VPS53: variants seen among roughly 807,000 people sequenced by gnomAD.
The protein encoded by VPS53 is vacuolar protein sorting-associated protein 53 homolog.
Under a neutral mutation model 107.0 loss-of-function variants are expected in VPS53, and 70 were observed. The ratio of observed to expected loss-of-function variants is 0.65; its 90% CI spans 0.54 to 0.80. VPS53 has a LOEUF of 0.80. Among genes scored for constraint, VPS53 ranks in the 30% least tolerant of loss-of-function variants. The pLI is 0.00. For synonymous variants in VPS53, 409 were observed against 393.3 expected, an observed-to-expected ratio of 1.04 and a Z score of -0.47; for missense variants, 917 against 1,049.4, an observed-to-expected ratio of 0.87 and a Z score of 1.74.
chr17:662,799 A>AAGAAAGAAAGAAAAAAAGAAAG (rs1555575878), intron 4 of VPS53, among the ~76,000 whole-genome samples: 87 of 140,670 alleles, frequency 6.2e-4, no homozygotes, highest in Admixed American at 1.2e-3. Context: ...AAGAAAGAGA[A>AAGAAAGAAAGAAAAAAAGAAAG]AGAAAGAAAA....
chr17:580,803 C>T (rs1480331628), intron 13 of VPS53, among the ~76,000 whole-genome samples: 2 of 151,336 alleles, frequency 1.3e-5, no homozygotes, highest in Non-Finnish European at 2.9e-5. Flanking sequence ...GAGAACCTCC[C>T]TCAGAACCTA....
chr17:519,760 T>A lies in VPS53; in HGVS notation c.2328+66A>T. The stretch of plus-strand genomic sequence containing the variant: ...GCCCCCCCGGAACTTATATCCCAAT[T>A]CCCGGTTAAGAACCGCTGAGTGTGA... On this transcript the variant is annotated intron_variant, in intron 21 of 21. Coordinates refer to ENST00000437048, the MANE Select transcript of VPS53 (RefSeq NM_001128159.3). The surrounding 1 kb of genome is among the most constrained non-coding windows in gnomAD (Gnocchi z 5.0). 8.2e-7 allele frequency: 1 copy of A among 1,216,706 alleles called. No homozygotes were observed. The highest frequency in any genetic ancestry group is 2.5e-5 in the East Asian group (1 of 39,268). The allele number at this position is 1,216,706 out of a possible 1,614,324, so 75.4% of individuals were successfully genotyped here.
chr17:647,114 A>C (rs1307000663), intron 7 of VPS53, among the ~76,000 whole-genome samples: 1 of 151,976 alleles, frequency 6.6e-6, no homozygotes, highest in Non-Finnish European at 1.5e-5. Context: ...ACTCCATGAG[A>C]CTCCCTCTTC....
At chr17:584,780 CCTCCCAAAGTG>C (rs1967226715) in intron 13 of VPS53, among the ~76,000 whole-genome samples, 1 of 152,172 alleles carries the variant, frequency 6.6e-6, no homozygotes, top group Admixed American at 6.5e-5. Flanking sequence ...CCTACCTTGG[CCTCCCAAAGTG>C]CTGGGATTAC....
intron 17 of VPS53, among the ~76,000 whole-genome samples, chr17:541,623 C>A (rs549412316): frequency 2.8e-5 from 4 of 144,424 alleles, no homozygotes; most frequent in Non-Finnish European, 6.1e-5. Flanking sequence ...GCACCGACTA[C>A]GCACTGAAGG....
chr17:664,896 A>G (rs1971615804), intron 4 of VPS53, among the ~76,000 whole-genome samples: 1 of 152,118 alleles, frequency 6.6e-6, no homozygotes, highest in Admixed American at 6.5e-5. Flanking sequence ...TTGAAAAGCC[A>G]AGGCCAGGGT....
intron 4 of VPS53, among the ~76,000 whole-genome samples, chr17:682,306 G>C (rs779861513): frequency 6.6e-6 from 1 of 152,090 alleles, no homozygotes; most frequent in Admixed American, 6.6e-5. Context: ...CTTCTGCCGA[G>C]GATGCAGAAA....
chr17:606,718 GCCT>G (rs1252672603), intron 11 of VPS53, among the ~76,000 whole-genome samples: 1 of 152,166 alleles, frequency 6.6e-6, no homozygotes, highest in East Asian at 1.9e-4. Flanking sequence ...CCTGGGCTCC[GCCT>G]CCTGTCAGGT....
At chr17:533,225 G>C (rs1909739449) in intron 18 of VPS53, among the ~76,000 whole-genome samples, 1 of 152,160 alleles carries the variant, frequency 6.6e-6, no homozygotes, top group Non-Finnish European at 1.5e-5. Flanking sequence ...TATGATCGAA[G>C]CTAGCCCAAT....
chr17:541,996 G>C (rs1235467317), intron 17 of VPS53, among the ~76,000 whole-genome samples: 1 of 149,016 alleles, frequency 6.7e-6, no homozygotes, highest in Non-Finnish European at 1.5e-5. Context: ...CATGCACCAG[G>C]GGCTGAAGGA....
chr17:549,656 T>G (rs1911636561), intron 17 of VPS53, among the ~76,000 whole-genome samples: 1 of 151,920 alleles, frequency 6.6e-6, no homozygotes, highest in African/African-American at 2.4e-5. Flanking sequence ...ATCTGAAGTG[T>G]GTGGCAGTTC....
At chr17:678,536 G>A (rs1364736085) in intron 4 of VPS53, among the ~76,000 whole-genome samples, 3 of 151,502 alleles carry the variant, frequency 2.0e-5, no homozygotes, top group Admixed American at 6.6e-5. Context: ...GCACGATCTC[G>A]GCTCACTACA....
intron 4 of VPS53, among the ~76,000 whole-genome samples, chr17:671,165 A>G (rs546112049): frequency 6.6e-6 from 1 of 152,186 alleles, no homozygotes; most frequent in South Asian, 2.1e-4. Context: ...TAGGAGGTGG[A>G]GGTTGCAGTG....
At chr17:614,950 CAAAA>C (rs1190602126) in intron 11 of VPS53, among the ~76,000 whole-genome samples, 17 of 152,082 alleles carry the variant, frequency 1.1e-4, no homozygotes, top group Admixed American at 5.2e-4. Flanking sequence ...ACAAAAAAAA[CAAAA>C]AACAAAACAA....
chr17:612,731 C>T (rs1175377975), intron 11 of VPS53, among the ~76,000 whole-genome samples: 7 of 113,340 alleles, frequency 6.2e-5, no homozygotes, highest in Admixed American at 1.8e-4. Flanking sequence ...GTTCACACAG[C>T]GAAAACCTGT....
chr17:663,381 G>A (rs543303940), intron 4 of VPS53, among the ~76,000 whole-genome samples: 1 of 151,884 alleles, frequency 6.6e-6, no homozygotes, highest in Non-Finnish European at 1.5e-5. Context: ...GTGCCAGCAG[G>A]CCACAGACGT....
At chr17:625,085 C>G (rs1216659650) in intron 10 of VPS53, among the ~76,000 whole-genome samples, 2 of 151,316 alleles carry the variant, frequency 1.3e-5, no homozygotes, top group Non-Finnish European at 2.9e-5. Flanking sequence ...TTGACCTGGG[C>G]TCAAGCAATC....
Position 657,693 on chromosome 17 carries a change from G to A in VPS53, c.373-1740C>T, listed in dbSNP as rs868375924. 7.5e-5 allele frequency: 41 copies of A among 543,586 alleles called. No homozygotes were observed. In the Admixed American group the frequency reaches 1.0e-3, roughly 14 times the overall value. 33.7% of individuals were successfully genotyped at this position (543,586 alleles called of 1,614,324 possible). A position where few individuals can be genotyped will look rare whatever the true frequency, so the allele number is the denominator to read the frequency against. On this transcript the variant is annotated intron_variant, in intron 5 of 21. Coordinates refer to ENST00000437048, the MANE Select transcript of VPS53 (RefSeq NM_001128159.3). ...CCAAACACAAATACTGTAGTCACTGGATAGATACATCCCATTAAAGTGAGT... is the reference window on the plus strand; with the variant it reads ...CCAAACACAAATACTGTAGTCACTGAATAGATACATCCCATTAAAGTGAGT...
At chr17:624,021 T>C (rs1178785853) in intron 10 of VPS53, among the ~76,000 whole-genome samples, 1 of 151,820 alleles carries the variant, frequency 6.6e-6, no homozygotes, top group African/African-American at 2.4e-5. Context: ...ATGATTCTTT[T>C]TTTTTTTTGT....
Sources: allele counts gnomAD v4.1 joint callset (sites outside exome capture counted in the v4.1 genomes callset), GRCh38; gene constraint gnomAD v4.1.1; non-coding constraint Gnocchi (gnomAD v3.1); transcripts MANE v1.5; gene names NCBI Gene and HGNC (gene_info 2026-07-23, HGNC 2026-07-21).